The following SH2D4B variants were observed in gnomAD, a reference collection of about 807,000 sequenced individuals.
SH2D4B encodes the protein SH2 domain-containing protein 4B.
A neutral mutation model predicts 61.5 loss-of-function variants in SH2D4B; 45 were observed. The observed-to-expected ratio is 0.73, with a 90% CI of 0.58 to 0.94. The LOEUF is 0.94. SH2D4B is among the 40% of genes least tolerant of loss of function. SH2D4B has a pLI of 0.00. For missense variants in SH2D4B, 572 were observed against 574.2 expected (o/e 1.00, Z 0.04); for synonymous variants, 224 against 220.4 (o/e 1.02, Z -0.14).
intron 3 of SH2D4B, among the ~76,000 whole-genome samples, chr10:80,587,141 TTTTTG>T (rs1842265712): frequency 1.9e-5 from 1 of 53,614 alleles, no homozygotes; most frequent in Non-Finnish European, 3.0e-5. Context: ...TTTTTTTTTT[TTTTTG>T]TTTTGTTTTT....
chr10:80,538,425 CG>C lies in SH2D4B; in HGVS notation c.97del (p.Glu33ArgfsTer4), dbSNP rs867712154. ...VQKHILFYKMREEQLRRWKER... is the reference protein window; with the variant it reads ...VQKHILFYKMXEEQLRRWKER... ...GAAGCACATCCTCTTCTACAAAATG[CG>C]GGAGGAGCAGCTGAGGCGCTGGAAG... On this transcript the variant is annotated frameshift_variant, in exon 1 of 8. Transcript: ENST00000646907. LOFTEE classifies it high-confidence loss of function. This position sits in a 1 kb window ranked among gnomAD's most constrained non-coding sequence, Gnocchi z 4.8. 12 of 1,492,310 alleles carry C rather than the reference CG, an allele frequency of 8.0e-6. No homozygotes were observed. Among genetic ancestry groups the C allele is most frequent in the Non-Finnish European group, 1.1e-5 (12 of 1,118,980 alleles). 92.4% of individuals were successfully genotyped at this position (1,492,310 alleles called of 1,614,324 possible).
intron 3 of SH2D4B, among the ~76,000 whole-genome samples, chr10:80,572,782 G>T (rs1213963757): frequency 6.7e-6 from 1 of 150,080 alleles, no homozygotes; most frequent in African/African-American, 2.5e-5. Flanking sequence ...ACCATGCCCG[G>T]CTAATTTTTG....
At chr10:80,558,249 A>G (rs1336058510) in intron 1 of SH2D4B, among the ~76,000 whole-genome samples, 1 of 152,096 alleles carries the variant, frequency 6.6e-6, no homozygotes, top group Non-Finnish European at 1.5e-5. Context: ...TTTTTTTTCA[A>G]TAGCTGAGAA....
At chr10:80,625,665 C>T (rs192546516) in intron 6 of SH2D4B, among the ~76,000 whole-genome samples, 9 of 151,496 alleles carry the variant, frequency 5.9e-5, no homozygotes, top group African/African-American at 1.9e-4. Flanking sequence ...CTCTACCTCC[C>T]GGGTTCAAGC....
intron 6 of SH2D4B, among the ~76,000 whole-genome samples, chr10:80,610,905 TC>T (rs1167523370): frequency 6.6e-6 from 1 of 152,176 alleles, no homozygotes; most frequent in African/African-American, 2.4e-5. Flanking sequence ...GCGCAGTGGC[TC>T]ACGCCTGTAA....
intron 6 of SH2D4B, among the ~76,000 whole-genome samples, chr10:80,613,141 A>G (rs1400319888): frequency 6.6e-6 from 1 of 152,210 alleles, no homozygotes; most frequent in Non-Finnish European, 1.5e-5. Flanking sequence ...GACTGGGAAC[A>G]GGCTTTTCTC....
rs111697647 is a variant in SH2D4B at position 80,592,657 on chromosome 10, C to T, written c.643+3880C>T. 4.6e-3 allele frequency among the ~76,000 whole-genome samples: 690 copies of T among 151,286 alleles called. 3 individuals carry two copies. Among genetic ancestry groups the T allele is most frequent in the African/African-American group, 0.015 (616 of 41,158 alleles). The stretch of plus-strand genomic sequence containing the variant: ...TTCTCCATTGGATGGTATTGGAACT[C>T]TTGTTGAAAATCAATTCACCAAAAA... On this transcript the variant is annotated intron_variant, in intron 4 of 7. Coordinates refer to ENST00000646907, the MANE Select transcript of SH2D4B (RefSeq NM_001388272.1).
intron 4 of SH2D4B, among the ~76,000 whole-genome samples, chr10:80,598,081 G>A (rs1842405927): frequency 6.6e-6 from 1 of 152,218 alleles, no homozygotes; most frequent in South Asian, 2.1e-4. Context: ...TGTGTGGGAA[G>A]GAGCACTGGA....
chr10:80,639,232 C>A (rs1435208902), intron 7 of SH2D4B, among the ~76,000 whole-genome samples: 1 of 152,092 alleles, frequency 6.6e-6, no homozygotes, highest in Non-Finnish European at 1.5e-5. Context: ...GGAATAAGTG[C>A]AATGTGGTGC....
intron 1 of SH2D4B, among the ~76,000 whole-genome samples, chr10:80,563,617 TATG>T (rs1841933379): frequency 6.6e-6 from 1 of 151,992 alleles, no homozygotes; most frequent in Non-Finnish European, 1.5e-5. Flanking sequence ...TATGTTAATA[TATG>T]ATGATTTACC....
At chr10:80,554,503 A>T (rs1191168372) in intron 1 of SH2D4B, among the ~76,000 whole-genome samples, 1 of 151,968 alleles carries the variant, frequency 6.6e-6, no homozygotes, top group Non-Finnish European at 1.5e-5. Context: ...GGTTCATGTG[A>T]TTGTGGGGCT....
intron 3 of SH2D4B, among the ~76,000 whole-genome samples, chr10:80,576,469 A>T (rs1056844652): frequency 2.0e-5 from 3 of 152,258 alleles, no homozygotes; most frequent in Non-Finnish European, 4.4e-5. Flanking sequence ...TGTTAGCAAC[A>T]TTAGAACAAG....
intron 1 of SH2D4B, among the ~76,000 whole-genome samples, chr10:80,549,535 G>A (rs1464527716): frequency 1.3e-5 from 2 of 152,128 alleles, no homozygotes; most frequent in African/African-American, 4.8e-5. Flanking sequence ...TCTGTAATGG[G>A]CACGGTCTTT....
chr10:80,538,023 C>A lies in SH2D4B; in HGVS notation c.-309C>A, dbSNP rs993520994. ...ACCCCAGGTGATGCCAAGACATGGG[C>A]TCTCCTGGGATGCCGTGCTTGGTGA... On this transcript the variant is annotated 5_prime_UTR_variant, in exon 1 of 8. Coordinates refer to ENST00000646907, the MANE Select transcript of SH2D4B (RefSeq NM_001388272.1). The surrounding 1 kb of genome is among the most constrained non-coding windows in gnomAD (Gnocchi z 4.8). The A allele has an allele frequency of 3.5e-4, 62 of 176,240 alleles. No homozygotes were observed. The highest frequency in any genetic ancestry group is 1.4e-3 in the African/African-American group (59 of 42,594). 10.9% of individuals were successfully genotyped at this position (176,240 alleles called of 1,614,324 possible).
intron 3 of SH2D4B, among the ~76,000 whole-genome samples, chr10:80,582,631 T>A (rs976797199): frequency 6.6e-6 from 1 of 152,204 alleles, no homozygotes; most frequent in Non-Finnish European, 1.5e-5. Context: ...CGGGCTCATG[T>A]AGAACCTATT....
chr10:80,551,757 C>A (rs752942542), intron 1 of SH2D4B, among the ~76,000 whole-genome samples: 109 of 152,352 alleles, frequency 7.2e-4, no homozygotes, highest in Middle Eastern at 3.4e-3. Flanking sequence ...GAGTGCCTGT[C>A]CCTTTCCAAT....
chr10:80,561,428 T>A (rs1841900850), intron 1 of SH2D4B, among the ~76,000 whole-genome samples: 1 of 152,220 alleles, frequency 6.6e-6, no homozygotes, highest in African/African-American at 2.4e-5. Flanking sequence ...GTTTGGAAGA[T>A]CTGCTTGACT....
intron 1 of SH2D4B, among the ~76,000 whole-genome samples, chr10:80,541,664 C>T (rs1159931511): frequency 1.3e-5 from 2 of 151,238 alleles, no homozygotes; most frequent in Non-Finnish European, 2.9e-5. Context: ...TAACACTCCC[C>T]ATGTCCCTAC....
At position 80,644,274 on chromosome 10, in the gene SH2D4B, A is replaced by C; in HGVS notation, c.*189A>C. The stretch of plus-strand genomic sequence containing the variant: ...CTGGTCTCATCCCAGCGATCGGGAC[A>C]GAAATTGCTAATAGCTCATGCAACT... On this transcript the variant is annotated 3_prime_UTR_variant, in exon 8 of 8. Transcript: ENST00000646907. The C allele has an allele frequency of 1.8e-6, 1 of 559,806 alleles. No individual in the cohort carries two copies. Among genetic ancestry groups the C allele is most frequent in the South Asian group, 2.5e-5 (1 of 40,800 alleles). The allele number at this position is 559,806 out of a possible 1,614,324, so 34.7% of individuals were successfully genotyped here.
Sources: gnomAD v4.1 joint callset for allele counts (sites outside exome capture counted in the v4.1 genomes callset) on GRCh38, gnomAD v4.1.1 for gene constraint, Gnocchi (gnomAD v3.1) non-coding constraint, MANE v1.5 for transcripts, NCBI Gene and HGNC (gene_info 2026-07-23, HGNC 2026-07-21) for gene names.